RGS6: variants seen among roughly 807,000 people sequenced by gnomAD.
The protein encoded by RGS6 is regulator of G protein signaling 6, also known as regulator of G-protein signaling 6.
Under a neutral mutation model 78.5 loss-of-function variants are expected in RGS6, and 30 were observed. The ratio of observed to expected loss-of-function variants is 0.38; its 90% CI spans 0.29 to 0.52. RGS6 has a LOEUF of 0.52. RGS6 is among the 20% of genes least tolerant of loss of function. RGS6 has a pLI of 0.85. For synonymous variants in RGS6, 206 were observed against 206.0 expected, an observed-to-expected ratio of 1.00 and a Z score of 0.00; for missense variants, 495 against 609.7, an observed-to-expected ratio of 0.81 and a Z score of 1.98.
chr14:72,458,232 C>T, intron 4 of RGS6, 39 bp from the exon 5 acceptor site: 1 of 1,514,050 alleles, frequency 6.6e-7, no homozygotes, highest in Non-Finnish European at 9.1e-7. Context: ...AAATAACCTG[C>T]TTTCTAATTC....
At chr14:71,899,761 G>A in the RGS6 span, among the ~76,000 whole-genome samples, 6 of 152,178 alleles carry the variant, frequency 3.9e-5, no homozygotes, top group South Asian at 2.1e-4. Context: ...ATTTAGCCCC[G>A]CTATTACCAA....
chr14:71,964,676 A>G, intron 1 of RGS6, 96 bp from the exon 2 acceptor site: 2 of 789,070 alleles, frequency 2.5e-6, no homozygotes, highest in Non-Finnish European at 4.1e-6. Context: ...GTTTTTGTTC[A>G]TGGCATCTGC....
At chr14:72,052,988 TCTCTCTC>T (rs1567106260) in intron 2 of RGS6, among the ~76,000 whole-genome samples, 1,719 of 65,164 alleles carry the variant, frequency 0.026, 27 homozygotes, top group Non-Finnish European at 0.034. Flanking sequence ...TTTCTTTCTC[TCTCTCTC>T]TCTCTCTCTC....
rs2096861833 is a variant in RGS6, at chr14:72,510,241, A to G, written c.1053A>G (p.Leu351=). ...LKDQVGRDQF[L]RFLESEFSSE... ...ACCAGGTGGGGCGGGACCAGTTTCT[A>G]CGATTCCTGGAGTCCGAATTCAGTT... The change falls in exon 14 of 18, where the codon CTA becomes CTG. Residue 351 remains leucine, a synonymous_variant. Coordinates refer to ENST00000553525, the MANE Select transcript of RGS6 (RefSeq NM_001204424.2). 3.1e-6 allele frequency: 5 copies of G among 1,614,198 alleles called. No individual in the cohort carries two copies. Among genetic ancestry groups the G allele is most frequent in the Non-Finnish European group, 4.2e-6 (5 of 1,180,010 alleles).
chr14:72,617,005 G>A, the RGS6 span, among the ~76,000 whole-genome samples: 6 of 152,110 alleles, frequency 3.9e-5, no homozygotes, highest in African/African-American at 1.4e-4. Flanking sequence ...GGAACTCCGG[G>A]GCCATCCTAA....
chr14:71,993,819 G>A (rs949692317), intron 2 of RGS6, among the ~76,000 whole-genome samples: 5 of 152,066 alleles, frequency 3.3e-5, no homozygotes, highest in African/African-American at 1.2e-4. Context: ...GAAGATTAGA[G>A]TTCTGAAGCT....
the RGS6 span, among the ~76,000 whole-genome samples, chr14:71,917,485 T>G: frequency 1.3e-5 from 2 of 152,288 alleles, no homozygotes; most frequent in East Asian, 3.9e-4. Context: ...TTCTCTGATG[T>G]CAAGCAACAG....
chr14:72,526,469 T>C (rs1027978507), intron 15 of RGS6, among the ~76,000 whole-genome samples: 3 of 152,006 alleles, frequency 2.0e-5, no homozygotes, highest in African/African-American at 7.3e-5. Flanking sequence ...TATGCAAAGC[T>C]GTCTTTGAAG....
intron 1 of RGS6, among the ~76,000 whole-genome samples, chr14:71,935,697 G>C (rs1180950084): frequency 2.0e-5 from 3 of 152,026 alleles, no homozygotes; most frequent in Non-Finnish European, 4.4e-5. Flanking sequence ...CCTGAGTTCT[G>C]GTTGCAGTTA....
intron 2 of RGS6, among the ~76,000 whole-genome samples, chr14:72,225,364 C>T (rs960389436): frequency 4.6e-5 from 7 of 152,068 alleles, no homozygotes; most frequent in African/African-American, 1.2e-4. Flanking sequence ...ATGCTGTCAC[C>T]CAGGCAAGAG....
the RGS6 span, among the ~76,000 whole-genome samples, chr14:71,870,998 T>C: frequency 6.6e-6 from 1 of 152,176 alleles, no homozygotes; most frequent in African/African-American, 2.4e-5. Flanking sequence ...GGTGGGAACA[T>C]TGTAGAAATG....
intron 3 of RGS6, among the ~76,000 whole-genome samples, chr14:72,355,918 A>G (rs1233233765): frequency 6.6e-6 from 1 of 152,180 alleles, no homozygotes; most frequent in African/African-American, 2.4e-5. Flanking sequence ...GGCAGCTATA[A>G]TAGAGTCAAG....
rs1398089014 is a variant in RGS6 at position 72,269,587 on chromosome 14, T to G, written c.85-82508T>G. 1.7e-4 allele frequency among the ~76,000 whole-genome samples: 25 copies of G among 147,464 alleles called. No individual in the cohort carries two copies. The East Asian group carries it at 3.6e-3, about 21-fold the overall frequency. Reference sequence around the variant, plus strand: ...CTTAAATTTTTTTTTTTTTTTTTTTTTTTTTTTGAGACAGAGTCTCTCTCT... The same window carrying G: ...CTTAAATTTTTTTTTTTTTTTTTTTGTTTTTTTGAGACAGAGTCTCTCTCT... On this transcript the variant is annotated intron_variant, in intron 2 of 17. Transcript: ENST00000553525.
the RGS6 span, among the ~76,000 whole-genome samples, chr14:72,618,617 T>G: frequency 6.6e-6 from 1 of 152,086 alleles, no homozygotes; most frequent in Non-Finnish European, 1.5e-5. Context: ...TTCCACAATG[T>G]TTCCTCCCAT....
At chr14:72,577,765 A>G in the RGS6 span, among the ~76,000 whole-genome samples, 25 of 152,326 alleles carry the variant, frequency 1.6e-4, no homozygotes, top group African/African-American at 6.0e-4. Context: ...CCACTTCTTC[A>G]TGCCATTGAG....
intron 2 of RGS6, among the ~76,000 whole-genome samples, chr14:72,338,192 A>G (rs927526162): frequency 8.5e-5 from 13 of 152,084 alleles, no homozygotes; most frequent in African/African-American, 2.9e-4. Context: ...GAGAAGCTGT[A>G]TTAGTTTTCA....
At chr14:72,556,680 G>A (rs1468161347) in intron 17 of RGS6, among the ~76,000 whole-genome samples, 3 of 143,300 alleles carry the variant, frequency 2.1e-5, no homozygotes, top group Non-Finnish European at 3.0e-5. Flanking sequence ...GAAGGTAGGG[G>A]TCGGGGGGGC....
chr14:71,913,002 T>C, the RGS6 span, among the ~76,000 whole-genome samples: 2 of 151,956 alleles, frequency 1.3e-5, no homozygotes, highest in East Asian at 1.9e-4. Flanking sequence ...ATTTTTTGTA[T>C]GTTTTTAGTA....
downstream of RGS6, among the ~76,000 whole-genome samples, chr14:72,570,246 T>C (rs988104499): frequency 6.6e-6 from 1 of 152,214 alleles, no homozygotes; most frequent in Non-Finnish European, 1.5e-5. Flanking sequence ...GTAAAGTATA[T>C]AGGAGGATGT....
Sources: allele counts gnomAD v4.1 joint callset (sites outside exome capture counted in the v4.1 genomes callset), GRCh38; gene constraint gnomAD v4.1.1; transcripts MANE v1.5; gene names NCBI Gene and HGNC (gene_info 2026-07-23, HGNC 2026-07-21).